Variants in SDK1 observed in about 807,000 individuals in gnomAD.
SDK1 encodes sidekick cell adhesion molecule 1.
In SDK1, 157 loss-of-function variants were observed where a neutral mutation model predicts 245.5. That is an observed-to-expected ratio of 0.64 (90% CI 0.56 to 0.73). SDK1 has a LOEUF of 0.73. Among genes scored for constraint, SDK1 ranks in the 30% least tolerant of loss-of-function variants. The pLI is 0.00. For missense variants in SDK1, 3,583 were observed against 3,002.3 expected, an observed-to-expected ratio of 1.19 and a Z score of -4.52; for synonymous variants, 1,647 against 1,278.5, an observed-to-expected ratio of 1.29 and a Z score of -6.15.
rs570691447 is a variant in SDK1, at chr7:4,026,617, C to T, written c.2602+9265C>T. 2.1e-4 allele frequency among the ~76,000 whole-genome samples: 32 copies of T among 152,116 alleles called. No individual in the cohort carries two copies. The highest frequency in any genetic ancestry group is 4.1e-4 in the Non-Finnish European group (28 of 68,014). On this transcript the variant is annotated intron_variant, in intron 17 of 44. Transcript: ENST00000404826. This position sits in a 1 kb window ranked among gnomAD's most constrained non-coding sequence, Gnocchi z 4.1. ...TAAGTTCAGAAAGGAACACACAAAA[C>T]TTTTTAAGTGTTAAAGTATTTTCTT...
rs949923320 is a variant in SDK1 at position 4,082,689 on chromosome 7, C to T, written c.3324+3105C>T. The stretch of plus-strand genomic sequence containing the variant: ...AGACAGGAGTGAAGTGGTATGATCT[C>T]GGCTCACTACAACCTCTGCCTCCTG... On this transcript the variant is annotated intron_variant, in intron 22 of 44. Transcript: ENST00000404826. Among the ~76,000 whole-genome samples, 3 of 151,746 alleles carry T rather than the reference C, an allele frequency of 2.0e-5. No individual in the cohort carries two copies. In the East Asian group the frequency reaches 5.8e-4, roughly 29 times the overall value.
chr7:4,250,940 C>G (rs1787253866), intron 44 of SDK1, among the ~76,000 whole-genome samples: 1 of 152,164 alleles, frequency 6.6e-6, no homozygotes, highest in African/African-American at 2.4e-5. Flanking sequence ...CCAGTCACCT[C>G]CCATTCCCTT....
rs530639556 is a variant in SDK1 at position 3,866,147 on chromosome 7, C to A, written c.847+44564C>A. On this transcript the variant is annotated intron_variant, in intron 5 of 44. Coordinates refer to ENST00000404826, the MANE Select transcript of SDK1 (RefSeq NM_152744.4). ...TAAAGTCCTTTCAGTTCTTGGGAGG[C>A]TGAATTCTCTCATTCACAACCACCA... 2.6e-5 allele frequency among the ~76,000 whole-genome samples: 4 copies of A among 152,300 alleles called. No homozygotes were observed. The South Asian group carries it at 8.3e-4, about 32-fold the overall frequency.
intron 4 of SDK1, among the ~76,000 whole-genome samples, chr7:3,647,956 A>G (rs1228183419): frequency 6.6e-6 from 1 of 152,208 alleles, no homozygotes; most frequent in Non-Finnish European, 1.5e-5. Context: ...CGAACAGTAT[A>G]TTGAGAGAAT....
rs2128225199 is a variant in SDK1 at position 4,199,016 on chromosome 7, T to C, written c.5099-6863T>C. Among the ~76,000 whole-genome samples the C allele has an allele frequency of 2.0e-5, 3 of 152,236 alleles. No homozygotes were observed. In the South Asian group the frequency reaches 6.2e-4, roughly 32 times the overall value. ...TTTAGTAGAGACGGGGGTTTCACCA[T>C]GTTGGCCAGGCTTGTCTTGACCTCC... On this transcript the variant is annotated intron_variant, in intron 35 of 44. Coordinates refer to ENST00000404826, the MANE Select transcript of SDK1 (RefSeq NM_152744.4).
intron 4 of SDK1, among the ~76,000 whole-genome samples, chr7:3,801,574 G>A (rs1044789676): frequency 3.3e-5 from 5 of 152,164 alleles, no homozygotes; most frequent in African/African-American, 4.8e-5. Context: ...AGATCATCAG[G>A]TTTGACGAAA....
At chr7:3,329,834 C>G (rs1485458185) in intron 1 of SDK1, among the ~76,000 whole-genome samples, 1 of 152,214 alleles carries the variant, frequency 6.6e-6, no homozygotes, top group Admixed American at 6.5e-5. Context: ...TGCAGTATAA[C>G]AACTACTTAT....
intron 4 of SDK1, among the ~76,000 whole-genome samples, chr7:3,682,761 G>A (rs920315442): frequency 6.7e-6 from 1 of 150,042 alleles, no homozygotes; most frequent in Non-Finnish European, 1.5e-5. Context: ...TTTGTCACTC[G>A]ATCTGATGGA....
chr7:3,859,688 G>A (rs1780640103), intron 5 of SDK1, among the ~76,000 whole-genome samples: 1 of 152,142 alleles, frequency 6.6e-6, no homozygotes, highest in South Asian at 2.1e-4. Context: ...ACCATCCCCA[G>A]GGGACAGCCA....
chr7:4,030,324 G>T (rs1194921822), intron 17 of SDK1, among the ~76,000 whole-genome samples: 1 of 152,266 alleles, frequency 6.6e-6, no homozygotes, highest in Non-Finnish European at 1.5e-5. Flanking sequence ...AGCTTACGCA[G>T]AAGACAGAGG....
At chr7:3,807,633 C>A (rs1340137702) in intron 4 of SDK1, among the ~76,000 whole-genome samples, 1 of 152,084 alleles carries the variant, frequency 6.6e-6, no homozygotes, top group Non-Finnish European at 1.5e-5. Flanking sequence ...GAACTGTTAA[C>A]CTCACAACAA....
intron 2 of SDK1, among the ~76,000 whole-genome samples, chr7:3,638,361 A>C (rs1156327955): frequency 1.3e-5 from 2 of 152,140 alleles, no homozygotes; most frequent in Non-Finnish European, 2.9e-5. Flanking sequence ...ACTATTCACA[A>C]TAGCAAAGAC....
intron 31 of SDK1, among the ~76,000 whole-genome samples, chr7:4,160,384 T>C (rs1323909345): frequency 6.6e-6 from 1 of 152,224 alleles, no homozygotes; most frequent in Non-Finnish European, 1.5e-5. Context: ...GAAAAAAATA[T>C]TGAAGGGCCT....
At chr7:3,488,026 T>C (rs998323726) in intron 1 of SDK1, among the ~76,000 whole-genome samples, 1 of 152,180 alleles carries the variant, frequency 6.6e-6, no homozygotes, top group African/African-American at 2.4e-5. Context: ...CTGTAATTCT[T>C]ATTAGACTAG....
At chr7:3,806,665 G>T (rs1376107782) in intron 4 of SDK1, among the ~76,000 whole-genome samples, 1 of 151,842 alleles carries the variant, frequency 6.6e-6, no homozygotes, top group African/African-American at 2.4e-5. Context: ...CGAGGACTAA[G>T]AACAAATACA....
intron 1 of SDK1, among the ~76,000 whole-genome samples, chr7:3,416,300 A>C (rs1366363058): frequency 6.6e-6 from 1 of 152,054 alleles, no homozygotes; most frequent in African/African-American, 2.4e-5. Flanking sequence ...AGTTGGTCTC[A>C]CTTTTTTGTG....
chr7:3,867,114 G>C (rs779734668), intron 5 of SDK1, among the ~76,000 whole-genome samples: 1 of 152,174 alleles, frequency 6.6e-6, no homozygotes, highest in Non-Finnish European at 1.5e-5. Flanking sequence ...TGCTGTAAAA[G>C]CTAAGAAAAA....
chr7:3,767,735 A>G (rs1780295764), intron 4 of SDK1, among the ~76,000 whole-genome samples: 1 of 152,202 alleles, frequency 6.6e-6, no homozygotes, highest in South Asian at 2.1e-4. Context: ...TCTGAATCCC[A>G]AGTCTGTGTT....
intron 1 of SDK1, among the ~76,000 whole-genome samples, chr7:3,469,676 T>G (rs534471160): frequency 3.4e-4 from 52 of 152,332 alleles, no homozygotes; most frequent in African/African-American, 1.1e-3. Flanking sequence ...TCTAGTTACT[T>G]AAGGATTTTC....
Sources: gnomAD v4.1 joint callset for allele counts (sites outside exome capture counted in the v4.1 genomes callset) on GRCh38, gnomAD v4.1.1 for gene constraint, Gnocchi (gnomAD v3.1) non-coding constraint, MANE v1.5 for transcripts, NCBI Gene and HGNC (gene_info 2026-07-23, HGNC 2026-07-21) for gene names.